Variants in DACH2 observed in about 807,000 individuals in gnomAD.
The protein encoded by DACH2 is dachshund family transcription factor 2.
DACH2 carries 17 observed loss-of-function variants against 35.8 expected under a neutral mutation model. The observed-to-expected ratio is 0.48, with a 90% CI of 0.33 to 0.71. The LOEUF (loss-of-function observed/expected upper bound fraction) is 0.71, where lower values mean the gene tolerates loss of function less well. Among genes scored for constraint, DACH2 ranks in the 30% least tolerant of loss-of-function variants. The pLI is 0.02. For missense variants in DACH2, 469 were observed against 472.7 expected (o/e 0.99, Z 0.07); for synonymous variants, 195 against 177.3 (o/e 1.10, Z -0.79).
chrX:86,438,342 G>A (rs1327944871), intron 2 of DACH2, among the ~76,000 whole-genome samples: 1 of 105,758 alleles, frequency 9.5e-6, no homozygotes, highest in Non-Finnish European at 1.9e-5. Flanking sequence ...TGTTGCCTCT[G>A]CCTCCCAAGG....
chrX:86,184,206 C>T (rs1225573265), intron 1 of DACH2: 1 of 169,200 alleles, frequency 5.9e-6, no homozygotes, highest in Non-Finnish European at 1.1e-5. Context: ...TATTTCTAGT[C>T]TTCTGATTTT....
intron 2 of DACH2, among the ~76,000 whole-genome samples, chrX:86,380,339 A>G (rs2036027983): frequency 9.1e-6 from 1 of 110,420 alleles, no homozygotes; most frequent in Non-Finnish European, 1.9e-5. Flanking sequence ...CTAGTTTCAA[A>G]GCTCATATGC....
intron 2 of DACH2, among the ~76,000 whole-genome samples, chrX:86,470,781 CT>C (rs1361263952): frequency 3.6e-5 from 4 of 111,100 alleles, no homozygotes; most frequent in African/African-American, 1.3e-4. Context: ...CTCCCCAAAT[CT>C]GTAAAAATAA....
At chrX:86,504,259 T>C (rs1397035740) in intron 2 of DACH2, among the ~76,000 whole-genome samples, 1 of 110,903 alleles carries the variant, frequency 9.0e-6, no homozygotes, top group Non-Finnish European at 1.9e-5. Context: ...ATGGCATAGG[T>C]AAATTCAAGC....
At chrX:86,696,443 A>T (rs2148445378) in intron 5 of DACH2, among the ~76,000 whole-genome samples, 1 of 112,458 alleles carries the variant, frequency 8.9e-6, no homozygotes, top group African/African-American at 3.2e-5. Context: ...TTAAAAAAGG[A>T]CTGATTAAAG....
intron 2 of DACH2, among the ~76,000 whole-genome samples, chrX:86,411,759 T>C (rs2036618413): frequency 8.9e-6 from 1 of 111,807 alleles, no homozygotes; most frequent in Admixed American, 9.5e-5. Flanking sequence ...AGTCCCCGTT[T>C]CTGCAGCTGG....
intron 7 of DACH2, among the ~76,000 whole-genome samples, chrX:86,784,539 A>T (rs1423484495): frequency 8.9e-6 from 1 of 112,245 alleles, no homozygotes; most frequent in African/African-American, 3.2e-5. Flanking sequence ...GGGAATTTAA[A>T]CTAGTTCAGC....
intron 2 of DACH2, among the ~76,000 whole-genome samples, chrX:86,432,834 C>A (rs1325875618): frequency 8.9e-6 from 1 of 112,172 alleles, no homozygotes; most frequent in African/African-American, 3.2e-5. Context: ...AAAAGCTGTG[C>A]TTGTGGATGT....
Position 86,813,288 on chromosome X carries a change from C to T in DACH2, c.1537+11C>T. The T allele has an allele frequency of 1.7e-6, 2 of 1,182,847 alleles. No homozygotes were observed. The highest frequency in any genetic ancestry group is 2.3e-6 in the Non-Finnish European group (2 of 880,515). On this transcript the variant is annotated intron_variant, in intron 9 of 11. Coordinates refer to ENST00000373125, the MANE Select transcript of DACH2 (RefSeq NM_053281.3). ...AGCTTCAAAGCAGAAGTAAGTTTTA[C>T]AAGTTCAATTACAGAGTGAATATTA...
chrX:86,634,078 C>T (rs1230564747), intron 3 of DACH2, among the ~76,000 whole-genome samples: 1 of 110,936 alleles, frequency 9.0e-6, no homozygotes. Context: ...GGGAAGCAAG[C>T]ATTTCTTACC....
At chrX:86,564,017 A>G (rs1219317752) in intron 3 of DACH2, among the ~76,000 whole-genome samples, 4 of 110,910 alleles carry the variant, frequency 3.6e-5, no homozygotes, top group East Asian at 2.8e-4. Flanking sequence ...CTACATCAAT[A>G]TATACTTCTC....
At chrX:86,774,836 C>T in intron 7 of DACH2, among the ~76,000 whole-genome samples, 1 of 111,820 alleles carries the variant, frequency 8.9e-6, no homozygotes, top group Non-Finnish European at 1.9e-5. Flanking sequence ...ACTTGTGCGT[C>T]AGTGATGAAT....
chrX:86,610,374 T>TTC (rs1491134406), intron 3 of DACH2, among the ~76,000 whole-genome samples: 4 of 57,277 alleles, frequency 7.0e-5, no homozygotes, highest in Non-Finnish European at 1.2e-4. Context: ...TCTTTCTTTC[T>TTC]TTCTTTCTTT....
chrX:86,253,906 A>G (rs2033450901), intron 1 of DACH2, among the ~76,000 whole-genome samples: 1 of 112,195 alleles, frequency 8.9e-6, no homozygotes, highest in African/African-American at 3.2e-5. Context: ...AAATTATATT[A>G]TTTGTAATTT....
At chrX:86,187,627 T>A (rs1259159138) in intron 1 of DACH2, among the ~76,000 whole-genome samples, 1 of 110,956 alleles carries the variant, frequency 9.0e-6, no homozygotes, top group Non-Finnish European at 1.9e-5. Context: ...GGTTTCGCCG[T>A]GTTGGCCAGG....
At chrX:86,194,741 C>T (rs1217124795) in intron 1 of DACH2, among the ~76,000 whole-genome samples, 4 of 112,416 alleles carry the variant, frequency 3.6e-5, no homozygotes, top group Admixed American at 9.4e-5. Context: ...GAGGGTTTGG[C>T]GCAGGAGTGT....
At chrX:86,288,904 A>G (rs934295115) in intron 1 of DACH2, among the ~76,000 whole-genome samples, 1 of 111,434 alleles carries the variant, frequency 9.0e-6, no homozygotes, top group African/African-American at 3.3e-5. Flanking sequence ...TACCTAAGGT[A>G]GTGAGACAAA....
At chrX:86,817,186 G>A (rs2042461711) in intron 11 of DACH2, among the ~76,000 whole-genome samples, 1 of 112,092 alleles carries the variant, frequency 8.9e-6, no homozygotes, top group African/African-American at 3.2e-5. Flanking sequence ...AATGCACTAT[G>A]TTAGGTGTAA....
chrX:86,306,295 C>G (rs182378196), intron 1 of DACH2, among the ~76,000 whole-genome samples: 1 of 112,105 alleles, frequency 8.9e-6, no homozygotes, highest in East Asian at 2.8e-4. Context: ...TTATTTGCAG[C>G]AACATGGATA....
Sources: gnomAD v4.1 joint callset for allele counts (sites outside exome capture counted in the v4.1 genomes callset) on GRCh38, gnomAD v4.1.1 for gene constraint, MANE v1.5 for transcripts, NCBI Gene and HGNC (gene_info 2026-07-23, HGNC 2026-07-21) for gene names.